Variants in FCHO2 observed in about 807,000 individuals in gnomAD.
The protein encoded by FCHO2 is FCH and mu domain containing endocytic adaptor 2, also known as F-BAR domain only protein 2.
A neutral mutation model predicts 114.1 loss-of-function variants in FCHO2; 43 were observed. That is an observed-to-expected ratio of 0.38 (90% CI 0.30 to 0.49). The LOEUF (loss-of-function observed/expected upper bound fraction) is 0.49, where lower values mean the gene tolerates loss of function less well. Among genes scored for constraint, FCHO2 ranks in the 20% least tolerant of loss-of-function variants. The pLI is 0.97. For synonymous variants in FCHO2, 293 were observed against 315.2 expected, an observed-to-expected ratio of 0.93 and a Z score of 0.75; for missense variants, 807 against 950.4, an observed-to-expected ratio of 0.85 and a Z score of 1.98.
At chr5:72,988,853 CAT>C (rs1753677431) in intron 2 of FCHO2, among the ~76,000 whole-genome samples, 1 of 152,178 alleles carries the variant, frequency 6.6e-6, no homozygotes, top group Non-Finnish European at 1.5e-5. Context: ...AAGTAGCACT[CAT>C]GTATTTCCTG....
At chr5:73,054,657 A>G in intron 15 of FCHO2, 108 bp downstream of exon 15, 1 of 767,362 alleles carries the variant, frequency 1.3e-6, no homozygotes, top group Non-Finnish European at 2.1e-6. Flanking sequence ...TCTCATCATG[A>G]GCCCTACTGC....
Position 73,030,543 on chromosome 5 carries a change from G to C in FCHO2, c.797-4114G>C, listed in dbSNP as rs72764857. ...AAGATCCCAAGATGCTCTGGGCTTT[G>C]TATGCACAGTATAATTGGAGAAGCA... is the stretch of plus-strand genomic sequence containing the variant. On this transcript the variant is annotated intron_variant, in intron 8 of 25. Transcript: ENST00000430046. Among the ~76,000 whole-genome samples the C allele has an allele frequency of 2.9e-3, 436 of 152,356 alleles. 8 individuals carry two copies. The South Asian group carries it at 0.029, about 10-fold the overall frequency.
intron 19 of FCHO2, among the ~76,000 whole-genome samples, chr5:73,073,744 C>G (rs1467150826): frequency 6.6e-6 from 1 of 152,050 alleles, no homozygotes; most frequent in African/African-American, 2.4e-5. Context: ...CATTGTTTCA[C>G]TACAGGAGTC....
At chr5:73,079,810 GTT>G (rs1743032930) in intron 22 of FCHO2, among the ~76,000 whole-genome samples, 1 of 152,182 alleles carries the variant, frequency 6.6e-6, no homozygotes, top group Non-Finnish European at 1.5e-5. Flanking sequence ...GGCCAACTAT[GTT>G]TCTTGAGTAT....
Position 72,970,128 on chromosome 5 carries a change from A to G in FCHO2, c.125+1539A>G, listed in dbSNP as rs142883839. ...GTTTTTTTGAAATATAGTACAGATC[A>G]GTTGTTACCTCTTCTCTTTCAGCCA... On this transcript the variant is annotated intron_variant, in intron 2 of 25. Coordinates refer to ENST00000430046, the MANE Select transcript of FCHO2 (RefSeq NM_138782.3). Among the ~76,000 whole-genome samples, 10 of 152,282 alleles carry G rather than the reference A, an allele frequency of 6.6e-5. No individual in the cohort carries two copies. In the East Asian group the frequency reaches 1.9e-3, roughly 29 times the overall value.
intron 8 of FCHO2, among the ~76,000 whole-genome samples, chr5:73,028,355 C>T (rs546655343): frequency 1.5e-4 from 23 of 152,282 alleles, no homozygotes; most frequent in Admixed American, 1.4e-3. Flanking sequence ...CCATATGATC[C>T]AGTTGTTCTA....
intron 2 of FCHO2, among the ~76,000 whole-genome samples, chr5:72,979,937 C>CT (rs1753110129): frequency 6.6e-6 from 1 of 152,104 alleles, no homozygotes. Flanking sequence ...TTTCATGTCT[C>CT]TATCTCCTTC....
At chr5:73,026,811 C>G (rs1017856771) in intron 8 of FCHO2, among the ~76,000 whole-genome samples, 1 of 152,020 alleles carries the variant, frequency 6.6e-6, no homozygotes, top group Admixed American at 6.5e-5. Context: ...CATGCCTCAG[C>G]CTCCCAAGCA....
chr5:73,083,901 A>AG (rs1743208365), intron 24 of FCHO2, among the ~76,000 whole-genome samples: 1 of 151,508 alleles, frequency 6.6e-6, no homozygotes, highest in African/African-American at 2.4e-5. Context: ...TCAAAAAAAA[A>AG]AAAAAAAAAA....
intron 6 of FCHO2, among the ~76,000 whole-genome samples, chr5:73,015,248 G>A (rs1381288005): frequency 6.6e-6 from 1 of 151,752 alleles, no homozygotes; most frequent in African/African-American, 2.4e-5. Context: ...TGGAAAATTT[G>A]GTTATATTGA....
In FCHO2 at chr5:73,052,508, GT is replaced by G; in HGVS notation, c.1173+2del. 6.3e-7 allele frequency: 1 copy of G among 1,581,446 alleles called. No individual in the cohort carries two copies. The highest frequency in any genetic ancestry group is 8.6e-7 in the Non-Finnish European group (1 of 1,162,688). On this transcript the variant is annotated splice_donor_variant, in intron 13 of 25. Transcript: ENST00000430046. LOFTEE classifies it high-confidence loss of function. ...TATAACACTCTCCCCAGCAATATCT[GT>G]AAGTACAAACACGTTTGTACTCTTT...
chr5:73,077,714 A>G (rs1241540650), intron 21 of FCHO2, among the ~76,000 whole-genome samples: 1 of 151,948 alleles, frequency 6.6e-6, no homozygotes, highest in African/African-American at 2.4e-5. Flanking sequence ...GCTGGGCATG[A>G]TGGTGCGTTC....
rs557458547 is a variant in FCHO2 at position 73,069,571 on chromosome 5, G to A, written c.1579+792G>A. ...CTCGCTCCTATGAGAGTCTAATGCC[G>A]CTGCTGATCTGACTGGAGGCAGAGC... On this transcript the variant is annotated intron_variant, in intron 19 of 25. Transcript: ENST00000430046. 7.2e-4 allele frequency among the ~76,000 whole-genome samples: 110 copies of A among 152,028 alleles called. 1 individual carries two copies. Among genetic ancestry groups the A allele is most frequent in the African/African-American group, 2.1e-3 (89 of 41,494 alleles).
intron 1 of FCHO2, among the ~76,000 whole-genome samples, chr5:72,956,539 G>GC (rs1751554118): frequency 6.6e-6 from 1 of 152,024 alleles, no homozygotes; most frequent in Non-Finnish European, 1.5e-5. Context: ...GGAGCGCCGG[G>GC]CGGTGGGGTT....
At chr5:72,983,115 T>C (rs1279624723) in intron 2 of FCHO2, among the ~76,000 whole-genome samples, 2 of 152,078 alleles carry the variant, frequency 1.3e-5, no homozygotes, top group Non-Finnish European at 2.9e-5. Flanking sequence ...GGTTTCATCA[T>C]GTTATCCAGG....
At chr5:73,023,051 G>T (rs1426286390) in intron 8 of FCHO2, among the ~76,000 whole-genome samples, 1 of 152,128 alleles carries the variant, frequency 6.6e-6, no homozygotes, top group East Asian at 1.9e-4. Context: ...AGGGTAGTAG[G>T]ATATTATAAT....
intron 8 of FCHO2, among the ~76,000 whole-genome samples, chr5:73,019,177 T>C (rs1755473090): frequency 6.6e-6 from 1 of 152,196 alleles, no homozygotes; most frequent in South Asian, 2.1e-4. Context: ...AATGATACAA[T>C]AGTCAATGCT....
At chr5:73,081,144 G>T (rs1248337458) in intron 22 of FCHO2, among the ~76,000 whole-genome samples, 1 of 152,086 alleles carries the variant, frequency 6.6e-6, no homozygotes, top group Non-Finnish European at 1.5e-5. Flanking sequence ...GTTAGAAAAT[G>T]AGTGGTATGG....
chr5:72,990,356 T>C, intron 3 of FCHO2, 122 bp from the exon 4 acceptor site: 1 of 699,862 alleles, frequency 1.4e-6, no homozygotes. Context: ...TTATTTTAAT[T>C]TCATCTTTTG....
Sources: allele counts gnomAD v4.1 joint callset (sites outside exome capture counted in the v4.1 genomes callset), GRCh38; gene constraint gnomAD v4.1.1; transcripts MANE v1.5; gene names NCBI Gene and HGNC (gene_info 2026-07-23, HGNC 2026-07-21).